The following MYH2 variants were observed in gnomAD, a reference collection of about 807,000 sequenced individuals.
The protein encoded by MYH2 is myosin-2.
A neutral mutation model predicts 228.1 loss-of-function variants in MYH2; 139 were observed. That is an observed-to-expected ratio of 0.61 (90% CI 0.53 to 0.70). The LOEUF is 0.70. MYH2 is among the 30% of genes least tolerant of loss of function. The probability of loss-of-function intolerance (pLI) is 0.00; values close to 1 mark genes in which losing one functional copy is unlikely to be tolerated. For synonymous variants in MYH2, 796 were observed against 871.1 expected, an observed-to-expected ratio of 0.91 and a Z score of 1.52; for missense variants, 1,809 against 2,357.5, an observed-to-expected ratio of 0.77 and a Z score of 4.82.
intron 27 of MYH2, among the ~76,000 whole-genome samples, chr17:10,528,340 A>G (rs1450073857): frequency 1.3e-5 from 2 of 152,172 alleles, no homozygotes; most frequent in East Asian, 3.8e-4. Flanking sequence ...AGCATGTTCT[A>G]AAATACTTCA....
rs2073320826 is a variant in MYH2 at position 10,524,281 on chromosome 17, A to G, written c.5175+185T>C. Among the ~76,000 whole-genome samples the G allele has an allele frequency of 6.6e-6, 1 of 152,198 alleles. No homozygotes were observed. Among genetic ancestry groups the G allele is most frequent in the African/African-American group, 2.4e-5 (1 of 41,458 alleles). ...AGCCTTAGAATATTATATGAAGCAA[A>G]TCAACAATAGTTTTTCAAAGCAAAA... is the stretch of plus-strand genomic sequence containing the variant. On this transcript the variant is annotated intron_variant, in intron 35 of 39. Coordinates refer to ENST00000245503, the MANE Select transcript of MYH2 (RefSeq NM_017534.6). The surrounding 1 kb of genome is among the most constrained non-coding windows in gnomAD (Gnocchi z 4.7).
rs769712137 is a variant in MYH2 at position 10,543,174 on chromosome 17, G to A, written c.742-13C>T. 4 of 1,591,342 alleles carry A rather than the reference G, an allele frequency of 2.5e-6. No individual in the cohort carries two copies. In the East Asian group the frequency reaches 6.7e-5, roughly 27 times the overall value. ...TGATGAATTTACCCTTGAAATAAAA[G>A]CTAATATTACTACCTTTTTTTTATA... On this transcript the variant is annotated splice_polypyrimidine_tract_variant and intron_variant, in intron 8 of 39. Coordinates refer to ENST00000245503, the MANE Select transcript of MYH2 (RefSeq NM_017534.6).
Position 10,546,051 on chromosome 17 carries a change from G to A in MYH2, c.349-549C>T, listed in dbSNP as rs556134663. On this transcript the variant is annotated intron_variant, in intron 4 of 39. Transcript: ENST00000245503. Reference sequence around the variant, plus strand: ...GGAAATGGTTTATATTTTCTTTGCAGCATTAAGATAATTCAAATTTATGAG... The same window carrying A: ...GGAAATGGTTTATATTTTCTTTGCAACATTAAGATAATTCAAATTTATGAG... 1.1e-3 allele frequency among the ~76,000 whole-genome samples: 167 copies of A among 151,764 alleles called. 1 individual carries two copies. The highest frequency in any genetic ancestry group is 1.8e-3 in the Non-Finnish European group (123 of 67,944).
chr17:10,526,692 C>G lies in MYH2; in HGVS notation c.4094G>C (p.Arg1365Thr). 6 of 1,614,136 alleles carry G rather than the reference C, an allele frequency of 3.7e-6. No individual in the cohort carries two copies. The highest frequency in any genetic ancestry group is 5.1e-6 in the Non-Finnish European group (6 of 1,179,948). Residue 1365 changes from arginine (R) to threonine (T), a missense_variant, in exon 30 of 40, where the codon AGA becomes ACA. Arg to Thr is a moderately conservative substitution (Grantham distance 71). This residue lies in a region of MYH2 where 636 missense variants were observed against 729.9 expected (regional missense o/e 0.87). Transcript: ENST00000245503. ...CTCGGTGTTGGCCTTGGACAGTGCT[C>G]TCTGCAGCTCGGCCTTGGATTCCTG... ...EEQESKAELQ[R>T]ALSKANTEVA...
chr17:10,543,656 A>G (rs781093323), intron 8 of MYH2, 55 bp downstream of exon 8: 6 of 1,587,386 alleles, frequency 3.8e-6, no homozygotes, highest in African/African-American at 1.3e-5. Flanking sequence ...AATTACAAAC[A>G]TCTCATAAAT....
intron 27 of MYH2, among the ~76,000 whole-genome samples, 173 bp from the exon 28 acceptor site, chr17:10,528,047 C>CTTCT (rs1555570304): frequency 3.8e-5 from 5 of 131,872 alleles, no homozygotes; most frequent in Non-Finnish European, 7.9e-5. Flanking sequence ...TTCTTTCTTT[C>CTTCT]TTTTTTTTTT....
In MYH2 at chr17:10,529,429, G is replaced by A. The variant is rs2073397065; in HGVS notation, c.3170C>T (p.Ala1057Val). ...EKKLRMDLER[A>V]KRKLEGDLKL... The stretch of plus-strand genomic sequence containing the variant: ...CAAGTCACCCTCAAGTTTCCTCTTA[G>A]CCCTTTCTAGGTCCATGCGAAGTTT... The change falls in exon 25 of 40, where the codon GCT becomes GTT. Residue 1057 changes from alanine (A) to valine (V), a missense_variant. Ala to Val is a moderately conservative substitution (Grantham distance 64). This residue lies in a region of MYH2 where 636 missense variants were observed against 729.9 expected (regional missense o/e 0.87). Transcript: ENST00000245503. 6.2e-7 allele frequency: 1 copy of A among 1,614,118 alleles called. No individual in the cohort carries two copies.
intron 11 of MYH2, among the ~76,000 whole-genome samples, 159 bp downstream of exon 11, chr17:10,540,435 A>G (rs1351252815): frequency 2.0e-5 from 3 of 152,034 alleles, no homozygotes; most frequent in Non-Finnish European, 4.4e-5. Flanking sequence ...GCAAAATGTT[A>G]TAGGGGCACA....
At chr17:10,522,778 G>GT (rs539100342) in intron 39 of MYH2, among the ~76,000 whole-genome samples, 14 of 151,940 alleles carry the variant, frequency 9.2e-5, no homozygotes, top group Non-Finnish European at 1.6e-4. Flanking sequence ...AAGAAAGTTA[G>GT]TTTTTTTAAT....
chr17:10,521,743 G>A (rs2073287942), intron 39 of MYH2, among the ~76,000 whole-genome samples: 1 of 151,960 alleles, frequency 6.6e-6, no homozygotes, highest in Non-Finnish European at 1.5e-5. Context: ...AGTTGTTAAT[G>A]CTTGCTATAA....
intron 2 of MYH2, among the ~76,000 whole-genome samples, 183 bp from the exon 3 acceptor site, chr17:10,548,123 T>C (rs1200321003): frequency 6.6e-6 from 1 of 152,194 alleles, no homozygotes; most frequent in Admixed American, 6.5e-5. Flanking sequence ...GTGGTCTCTG[T>C]GTACCCAATG....
chr17:10,532,632 A>C (rs990899360), intron 21 of MYH2, among the ~76,000 whole-genome samples: 6 of 152,326 alleles, frequency 3.9e-5, no homozygotes, highest in South Asian at 4.2e-4. Flanking sequence ...ATATATCTGC[A>C]TACACATATG....
Position 10,537,365 on chromosome 17 carries a change from C to G in MYH2, c.1765G>C (p.Val589Leu). Residue 589 changes from valine to leucine, a missense_variant, in exon 16 of 40, where the codon GTG (valine) becomes CTG (leucine). Val to Leu is a conservative substitution (Grantham distance 32). This residue lies in a region of MYH2 where 41 missense variants were observed against 35.1 expected (regional missense o/e 1.17). Coordinates refer to ENST00000245503, the MANE Select transcript of MYH2 (RefSeq NM_017534.6). The surrounding 1 kb of genome is among the most constrained non-coding windows in gnomAD (Gnocchi z 4.0). Reference sequence around the variant, plus strand: ...AGCCAGCCAGTAATGTTGTAGTCCACAACACCAGCATAGTGAATCAGAGCG... The same window carrying G: ...AGCCAGCCAGTAATGTTGTAGTCCAGAACACCAGCATAGTGAATCAGAGCG... ...HFALIHYAGV[V>L]DYNITGWLEK... The G allele has an allele frequency of 6.2e-7, 1 of 1,614,212 alleles. No homozygotes were observed. Among genetic ancestry groups the G allele is most frequent in the Non-Finnish European group, 8.5e-7 (1 of 1,180,048 alleles).
At position 10,536,608 on chromosome 17, in the gene MYH2, T is replaced by C. The variant is rs2073484770; in HGVS notation, c.1898-2A>G. The C allele has an allele frequency of 6.2e-7, 1 of 1,612,854 alleles. No homozygotes were observed. The highest frequency in any genetic ancestry group is 8.5e-7 in the Non-Finnish European group (1 of 1,179,156). ...TCTTGGCCCCTCCACCAGCTCCCTC[T>C]GAAGAAAAAGGAAGAAAAGAAATAC... On this transcript the variant is annotated splice_acceptor_variant, in intron 16 of 39. Coordinates refer to ENST00000245503, the MANE Select transcript of MYH2 (RefSeq NM_017534.6). LOFTEE classifies it high-confidence loss of function.
rs770302436 is a variant in MYH2, at chr17:10,521,398, C to A, written c.5708G>T (p.Arg1903Leu). 1 of 1,613,966 alleles carries A rather than the reference C, an allele frequency of 6.2e-7. No homozygotes were observed. Among genetic ancestry groups the A allele is most frequent in the Non-Finnish European group, 8.5e-7 (1 of 1,179,952 alleles). Residue 1903 changes from arginine (R) to leucine (L), a missense_variant, in exon 40 of 40, where the codon CGC becomes CTC. By Grantham distance (102) the Arg-to-Leu change is moderately radical. Around this residue, in one of 9 missense-constraint regions of MYH2, gnomAD observed 278 missense variants for 308.5 expected, o/e 0.90. Transcript: ENST00000245503. ...EQSNTNLAKFRKLQHELEEAE... is the reference protein window; with the variant it reads ...EQSNTNLAKFLKLQHELEEAE... ...CTCCTCCAGCTCATGCTGGAGCTTG[C>A]GGAATTTAGCTAGATTGGTGTTGGA...
chr17:10,543,213 T>C (rs2073580631), intron 8 of MYH2, 52 bp from the exon 9 acceptor site: 1 of 1,339,648 alleles, frequency 7.5e-7, no homozygotes, highest in Non-Finnish European at 1.1e-6. Flanking sequence ...TATTAAATCT[T>C]TGAGAAATTC....
intron 36 of MYH2, 27 bp from the exon 37 acceptor site, chr17:10,523,693 C>T: frequency 6.2e-7 from 1 of 1,614,178 alleles, no homozygotes; most frequent in Non-Finnish European, 8.5e-7. Context: ...TCAAGAAAAC[C>T]AAGAAAGTTA....
chr17:10,540,745 T>C lies in MYH2; in HGVS notation c.905-48A>G, dbSNP rs758021719. ...AGATAAACATAATTATCTTCTTCATTAAAACAAGAGATTTCTAGACAAATT... is the reference window on the plus strand; with the variant it reads ...AGATAAACATAATTATCTTCTTCATCAAAACAAGAGATTTCTAGACAAATT... On this transcript the variant is annotated intron_variant, in intron 10 of 39. Transcript: ENST00000245503. 4 of 1,476,132 alleles carry C rather than the reference T, an allele frequency of 2.7e-6. No individual in the cohort carries two copies. In the African/African-American group the frequency reaches 5.6e-5, roughly 20 times the overall value. 91.4% of individuals were successfully genotyped at this position (1,476,132 alleles called of 1,614,324 possible). A position where few individuals can be genotyped will look rare whatever the true frequency, so the allele number is the denominator to read the frequency against.
intron 21 of MYH2, among the ~76,000 whole-genome samples, chr17:10,532,708 C>T (rs1000488107): frequency 6.6e-6 from 1 of 152,112 alleles, no homozygotes; most frequent in Admixed American, 6.5e-5. Context: ...TGGTCCTGAT[C>T]ACAGACATCC....
Sources: gnomAD v4.1 joint callset for allele counts (sites outside exome capture counted in the v4.1 genomes callset) on GRCh38, gnomAD v4.1.1 for gene constraint, gnomAD v4.1.1 regional missense constraint, Gnocchi (gnomAD v3.1) non-coding constraint, MANE v1.5 for transcripts, NCBI Gene and HGNC (gene_info 2026-07-23, HGNC 2026-07-21) for gene names.